LSAMP: variants seen among roughly 807,000 people sequenced by gnomAD.
LSAMP encodes limbic system-associated membrane protein.
LSAMP carries 7 observed loss-of-function variants against 38.6 expected under a neutral mutation model. That is an observed-to-expected ratio of 0.18 (90% confidence interval 0.10 to 0.34). The LOEUF (loss-of-function observed/expected upper bound fraction) is 0.34. Ranked by LOEUF, LSAMP falls within the 10% of genes least tolerant of loss-of-function variation. The pLI, the probability that LSAMP is intolerant of heterozygous loss-of-function variation, is 1.00. For synonymous variants in LSAMP, 154 were observed against 166.8 expected (o/e 0.92, Z 0.59); for missense variants, 313 against 420.0 (o/e 0.75, Z 2.23).
At chr3:116,278,172 C>T (rs2047079323) in intron 1 of LSAMP, among the ~76,000 whole-genome samples, 1 of 152,072 alleles carries the variant, frequency 6.6e-6, no homozygotes, top group Admixed American at 6.6e-5. Context: ...ATTATCAGAG[C>T]AATTCTAGCT....
intron 1 of LSAMP, among the ~76,000 whole-genome samples, chr3:116,129,040 T>C (rs1422092384): frequency 2.0e-5 from 3 of 152,214 alleles, no homozygotes; most frequent in African/African-American, 7.2e-5. Context: ...GATTCATAGA[T>C]GTGCATGGTA....
chr3:116,078,307 C>T (rs1053020865), intron 2 of LSAMP, among the ~76,000 whole-genome samples: 2 of 140,470 alleles, frequency 1.4e-5, no homozygotes, highest in African/African-American at 2.8e-5. Flanking sequence ...ATTTATTTTA[C>T]TTTATTTTAT....
intron 1 of LSAMP, among the ~76,000 whole-genome samples, chr3:116,155,637 ATATGTGTGTG>A (rs1559762815): frequency 3.3e-4 from 35 of 104,770 alleles, no homozygotes; most frequent in Non-Finnish European, 2.5e-4. Flanking sequence ...GTGTGTGTGT[ATATGTGTGTG>A]TGTGTGTGTC....
At chr3:115,833,103 A>C (rs1332047345) in intron 6 of LSAMP, among the ~76,000 whole-genome samples, 3 of 152,178 alleles carry the variant, frequency 2.0e-5, no homozygotes, top group African/African-American at 7.2e-5. Flanking sequence ...TGAAAATGCT[A>C]TCCAATGGTA....
rs561266470 is a variant in LSAMP, at chr3:116,399,466, T to C, written c.155+45411A>G. On this transcript the variant is annotated intron_variant, in intron 1 of 6. Transcript: ENST00000490035. ...AAGGAAGAGAGATGTTAAGTGAAAT[T>C]GGCAGGGACACACTATAGAAAACAC... Among the ~76,000 whole-genome samples the C allele has an allele frequency of 6.6e-5, 10 of 152,234 alleles. No individual in the cohort carries two copies. The South Asian group carries it at 2.1e-3, about 32-fold the overall frequency.
At chr3:116,000,409 T>C (rs1275728620) in intron 3 of LSAMP, among the ~76,000 whole-genome samples, 1 of 152,190 alleles carries the variant, frequency 6.6e-6, no homozygotes, top group African/African-American at 2.4e-5. Flanking sequence ...CAGAATTCCA[T>C]GGCAGACTAT....
intron 2 of LSAMP, among the ~76,000 whole-genome samples, chr3:116,024,976 G>T (rs898019959): frequency 3.3e-5 from 5 of 151,868 alleles, no homozygotes; most frequent in African/African-American, 9.7e-5. Flanking sequence ...TGAAAAAGTG[G>T]TAGAGATGGT....
intron 6 of LSAMP, among the ~76,000 whole-genome samples, chr3:115,814,496 A>C (rs1933945079): frequency 6.6e-6 from 1 of 152,246 alleles, no homozygotes; most frequent in African/African-American, 2.4e-5. Flanking sequence ...GTAAAGGACC[A>C]GGTGATTTTT....
rs2046347322 is a variant in LSAMP, at chr3:116,226,833, C to T, written c.156-140277G>A. ...CTGTCCTGCAGTGGATCGTGAGGAACTGGGCTCCGTGAGTTTTCTCTCACC... is the reference window on the plus strand; with the variant it reads ...CTGTCCTGCAGTGGATCGTGAGGAATTGGGCTCCGTGAGTTTTCTCTCACC... On this transcript the variant is annotated intron_variant, in intron 1 of 6. Transcript: ENST00000490035. 2.6e-5 allele frequency among the ~76,000 whole-genome samples: 4 copies of T among 152,244 alleles called. No individual in the cohort carries two copies. The South Asian group carries it at 8.3e-4, about 31-fold the overall frequency.
intron 4 of LSAMP, among the ~76,000 whole-genome samples, chr3:115,842,819 G>C (rs1228928301): frequency 6.6e-6 from 1 of 152,124 alleles, no homozygotes; most frequent in East Asian, 1.9e-4. Context: ...ACTTAGCAGG[G>C]TTTTATGGAA....
intron 1 of LSAMP, among the ~76,000 whole-genome samples, chr3:116,392,868 C>G (rs942844110): frequency 6.6e-6 from 1 of 152,146 alleles, no homozygotes; most frequent in Admixed American, 6.5e-5. Flanking sequence ...AGAGGAGCTG[C>G]CCATCCCAGG....
chr3:116,338,326 G>C (rs2047949345), intron 1 of LSAMP, among the ~76,000 whole-genome samples: 1 of 151,902 alleles, frequency 6.6e-6, no homozygotes, highest in Non-Finnish European at 1.5e-5. Flanking sequence ...AATTTCCTTA[G>C]TGACCTGCTC....
intron 1 of LSAMP, among the ~76,000 whole-genome samples, chr3:116,395,008 T>C (rs899848049): frequency 5.9e-5 from 9 of 152,284 alleles, no homozygotes; most frequent in Non-Finnish European, 8.8e-5. Flanking sequence ...ATCTCTGTGT[T>C]TTGCTCTCAT....
intron 3 of LSAMP, among the ~76,000 whole-genome samples, chr3:115,885,149 A>G (rs1325058896): frequency 6.6e-6 from 1 of 152,158 alleles, no homozygotes; most frequent in Non-Finnish European, 1.5e-5. Flanking sequence ...TTCAACAAGT[A>G]CTTAAATTTA....
At chr3:116,051,755 C>A (rs991249369) in intron 2 of LSAMP, among the ~76,000 whole-genome samples, 1 of 151,996 alleles carries the variant, frequency 6.6e-6, no homozygotes, top group African/African-American at 2.4e-5. Context: ...ACCCAGAAAG[C>A]GATGAGGGCC....
intron 1 of LSAMP, among the ~76,000 whole-genome samples, chr3:116,406,799 G>A (rs1370249180): frequency 6.6e-6 from 1 of 151,890 alleles, no homozygotes; most frequent in Non-Finnish European, 1.5e-5. Context: ...ACAAAATAAA[G>A]AGAGTAACAG....
At chr3:116,406,159 CCTTT>C (rs2048894776) in intron 1 of LSAMP, among the ~76,000 whole-genome samples, 1 of 152,044 alleles carries the variant, frequency 6.6e-6, no homozygotes, top group South Asian at 2.1e-4. Context: ...ATCTGAAATT[CCTTT>C]CTATTTTGAA....
At chr3:115,955,023 C>T (rs922464268) in intron 3 of LSAMP, among the ~76,000 whole-genome samples, 1 of 151,326 alleles carries the variant, frequency 6.6e-6, no homozygotes, top group Admixed American at 6.6e-5. Flanking sequence ...GGCGAGATCT[C>T]GGCTCACTGC....
intron 2 of LSAMP, among the ~76,000 whole-genome samples, chr3:116,080,363 T>G (rs1707845701): frequency 1.3e-5 from 2 of 152,338 alleles, no homozygotes; most frequent in South Asian, 2.1e-4. Flanking sequence ...TCTTTTCCCT[T>G]ATTTTCTCTC....
Sources: allele counts gnomAD v4.1 joint callset (sites outside exome capture counted in the v4.1 genomes callset), GRCh38; gene constraint gnomAD v4.1.1; transcripts MANE v1.5; gene names NCBI Gene and HGNC (gene_info 2026-07-23, HGNC 2026-07-21).